Variants in CCSER1 observed in about 807,000 individuals in gnomAD.
CCSER1 encodes the protein coiled-coil serine rich protein 1.
A neutral mutation model predicts 82.0 loss-of-function variants in CCSER1; 41 were observed. The observed-to-expected ratio is 0.50, with a 90% CI of 0.39 to 0.65. CCSER1 has a LOEUF of 0.65. Among genes scored for constraint, CCSER1 ranks in the 30% least tolerant of loss-of-function variants. The pLI, the probability that CCSER1 is intolerant of heterozygous loss-of-function variation, is 0.00. For missense variants in CCSER1, 1,119 were observed against 1,064.2 expected, an observed-to-expected ratio of 1.05 and a Z score of -0.72; for synonymous variants, 414 against 383.9, an observed-to-expected ratio of 1.08 and a Z score of -0.92.
chr4:91,588,034 T>G (rs1000275857), intron 10 of CCSER1, among the ~76,000 whole-genome samples: 1 of 151,636 alleles, frequency 6.6e-6, no homozygotes, highest in African/African-American at 2.4e-5. Flanking sequence ...AATTGACAAT[T>G]ATTTTAGATC....
At chr4:90,135,189 C>G (rs1335299988) in intron 1 of CCSER1, among the ~76,000 whole-genome samples, 1 of 152,114 alleles carries the variant, frequency 6.6e-6, no homozygotes, top group Non-Finnish European at 1.5e-5. Context: ...ATTAAGCAGC[C>G]TTTGATAACT....
At chr4:91,516,100 T>C (rs1425199855) in intron 10 of CCSER1, among the ~76,000 whole-genome samples, 1 of 152,138 alleles carries the variant, frequency 6.6e-6, no homozygotes. Flanking sequence ...ATATAGATTC[T>C]GGCTATTATA....
chr4:91,264,328 G>A (rs1741410524), intron 10 of CCSER1, among the ~76,000 whole-genome samples: 1 of 151,610 alleles, frequency 6.6e-6, no homozygotes, highest in Non-Finnish European at 1.5e-5. Flanking sequence ...AAAAAATCAT[G>A]GTTGTAGTTA....
At chr4:90,232,329 AC>A (rs1440793634) in intron 1 of CCSER1, among the ~76,000 whole-genome samples, 4 of 151,528 alleles carry the variant, frequency 2.6e-5, no homozygotes, top group Admixed American at 2.6e-4. Flanking sequence ...CATATCTACA[AC>A]TATCTGATCT....
chr4:90,805,912 C>T (rs1279066084), intron 7 of CCSER1, among the ~76,000 whole-genome samples: 1 of 152,078 alleles, frequency 6.6e-6, no homozygotes, highest in Non-Finnish European at 1.5e-5. Flanking sequence ...CTCAATAGAT[C>T]ATCCTTAAAA....
intron 3 of CCSER1, among the ~76,000 whole-genome samples, chr4:90,368,085 G>A (rs1426971868): frequency 2.0e-5 from 3 of 151,910 alleles, no homozygotes; most frequent in African/African-American, 7.2e-5. Context: ...AAATTATGAA[G>A]TTTCTCAGAC....
At chr4:90,842,361 C>T (rs1466466792) in intron 8 of CCSER1, among the ~76,000 whole-genome samples, 1 of 152,152 alleles carries the variant, frequency 6.6e-6, no homozygotes, top group Non-Finnish European at 1.5e-5. Flanking sequence ...CTATGGCTAT[C>T]TGTTGCTGTT....
chr4:90,128,831 CT>C (rs1722324566), intron 1 of CCSER1, among the ~76,000 whole-genome samples: 1 of 151,852 alleles, frequency 6.6e-6, no homozygotes, highest in African/African-American at 2.4e-5. Context: ...CTCTCTTTCT[CT>C]CTCTCTCTCT....
In CCSER1 at chr4:90,287,710, A is replaced by G. The variant is rs560387244; in HGVS notation, c.-41-20534A>G. Among the ~76,000 whole-genome samples the G allele has an allele frequency of 4.0e-5, 6 of 151,846 alleles. No individual in the cohort carries two copies. In the East Asian group the frequency reaches 1.2e-3, roughly 29 times the overall value. The stretch of plus-strand genomic sequence containing the variant: ...TTCTTCATGTCCCCCAAAATTTCCA[A>G]CTTTGATATTAGAAATGAATTTATT... On this transcript the variant is annotated intron_variant, in intron 1 of 10. Coordinates refer to ENST00000509176, the MANE Select transcript of CCSER1 (RefSeq NM_001145065.2).
intron 9 of CCSER1, among the ~76,000 whole-genome samples, chr4:90,982,267 C>T (rs1487794746): frequency 6.6e-6 from 1 of 151,688 alleles, no homozygotes; most frequent in African/African-American, 2.4e-5. Context: ...TGAGCTCTGA[C>T]ATCTTCCTCT....
At chr4:91,273,674 G>A (rs1248281958) in intron 10 of CCSER1, among the ~76,000 whole-genome samples, 1 of 152,106 alleles carries the variant, frequency 6.6e-6, no homozygotes, top group African/African-American at 2.4e-5. Flanking sequence ...GGGCATCCTT[G>A]TCTTGCCAGC....
At chr4:90,573,299 G>A (rs1780334152) in intron 5 of CCSER1, among the ~76,000 whole-genome samples, 1 of 152,232 alleles carries the variant, frequency 6.6e-6, no homozygotes. Flanking sequence ...CAGGGCAGAA[G>A]CTTGGTTCAG....
chr4:91,433,414 C>T (rs1754448031), intron 10 of CCSER1, among the ~76,000 whole-genome samples: 1 of 152,180 alleles, frequency 6.6e-6, no homozygotes, highest in African/African-American at 2.4e-5. Flanking sequence ...TTTCCTAGGC[C>T]TTCACCGTCA....
chr4:90,520,721 C>T (rs985081900), intron 5 of CCSER1, among the ~76,000 whole-genome samples: 1 of 152,052 alleles, frequency 6.6e-6, no homozygotes, highest in Admixed American at 6.6e-5. Context: ...CTTAAAAAAA[C>T]AATTGTGCGC....
intron 5 of CCSER1, among the ~76,000 whole-genome samples, chr4:90,609,597 G>T (rs1246947329): frequency 1.3e-5 from 2 of 152,134 alleles, no homozygotes; most frequent in Admixed American, 6.5e-5. Context: ...AAACTATAGA[G>T]CATTGTATCA....
intron 9 of CCSER1, among the ~76,000 whole-genome samples, chr4:90,961,939 T>C (rs1191798531): frequency 2.6e-5 from 4 of 152,088 alleles, no homozygotes; most frequent in Non-Finnish European, 5.9e-5. Context: ...AAAGATTGAA[T>C]ACTCAGAATG....
At chr4:90,326,786 C>G (rs1298954186) in intron 3 of CCSER1, among the ~76,000 whole-genome samples, 1 of 152,102 alleles carries the variant, frequency 6.6e-6, no homozygotes, top group Non-Finnish European at 1.5e-5. Context: ...CAGGCCCTTT[C>G]TTTCGGCATC....
At chr4:91,347,939 C>T (rs900014245) in intron 10 of CCSER1, among the ~76,000 whole-genome samples, 2 of 151,348 alleles carry the variant, frequency 1.3e-5, no homozygotes, top group African/African-American at 2.4e-5. Flanking sequence ...TTTATTTCTT[C>T]CTTCCCAATC....
chr4:91,338,120 A>T (rs1747446943), intron 10 of CCSER1, among the ~76,000 whole-genome samples: 1 of 152,108 alleles, frequency 6.6e-6, no homozygotes, highest in Non-Finnish European at 1.5e-5. Flanking sequence ...TATAATCCTG[A>T]TGAGCTTTTT....
Sources: allele counts gnomAD v4.1 joint callset (sites outside exome capture counted in the v4.1 genomes callset), GRCh38; gene constraint gnomAD v4.1.1; transcripts MANE v1.5; gene names NCBI Gene and HGNC (gene_info 2026-07-23, HGNC 2026-07-21).